Variants in TC2N observed in about 807,000 individuals in gnomAD.
TC2N encodes the protein tandem C2 domains, nuclear, also known as tandem C2 domains nuclear protein.
In TC2N, 51 loss-of-function variants were observed where a neutral mutation model predicts 61.9. The ratio of observed to expected loss-of-function variants is 0.82; its 90% CI spans 0.66 to 1.04. The LOEUF is 1.04. TC2N is among the 50% of genes least tolerant of loss of function. The probability of loss-of-function intolerance (pLI) is 0.00; values close to 1 mark genes in which losing one functional copy is unlikely to be tolerated. For synonymous variants in TC2N, 204 were observed against 192.6 expected (o/e 1.06, Z -0.49); for missense variants, 556 against 566.7 (o/e 0.98, Z 0.19).
intron 1 of TC2N, among the ~76,000 whole-genome samples, chr14:91,855,163 T>C (rs1257509878): frequency 6.6e-6 from 1 of 152,112 alleles, no homozygotes; most frequent in African/African-American, 2.4e-5. Context: ...GATGGAGGGC[T>C]GAAAAGCAGG....
chr14:91,796,103 G>A (rs1885883142), intron 8 of TC2N, among the ~76,000 whole-genome samples: 4 of 151,874 alleles, frequency 2.6e-5, no homozygotes, highest in Non-Finnish European at 5.9e-5. Context: ...AGTTAAATTA[G>A]CTTTATTTGA....
intron 1 of TC2N, among the ~76,000 whole-genome samples, chr14:91,831,831 C>G (rs539242706): frequency 6.6e-6 from 1 of 152,224 alleles, no homozygotes; most frequent in African/African-American, 2.4e-5. Flanking sequence ...ATATACCCCC[C>G]TGCTTTTAGT....
chr14:91,802,320 G>C lies in TC2N; in HGVS notation c.403C>G (p.His135Asp). ...DVYNPFYMYQ[H>D]ISPDLSRRFP... ...CGTCGACTCAAATCAGGTGAAATGT[G>C]CTGATACATATAGAATGGGTTATAC... is the stretch of plus-strand genomic sequence containing the variant. Residue 135 changes from histidine (H) to aspartate (D), a missense_variant, in exon 4 of 12, where the codon CAC becomes GAC. His to Asp is a moderately conservative substitution (Grantham distance 81). Coordinates refer to ENST00000435962, the MANE Select transcript of TC2N (RefSeq NM_001128596.3). The C allele has an allele frequency of 6.2e-7, 1 of 1,609,298 alleles. No homozygotes were observed. The highest frequency in any genetic ancestry group is 8.5e-7 in the Non-Finnish European group (1 of 1,178,442).
chr14:91,820,115 G>C (rs1887176741), intron 1 of TC2N, among the ~76,000 whole-genome samples: 1 of 151,978 alleles, frequency 6.6e-6, no homozygotes. Flanking sequence ...TGCCAGACTG[G>C]ATAAAGAAGT....
rs545306783 is a variant in TC2N at position 91,812,668 on chromosome 14, C to G, written c.68-123G>C. ...AGAAATTCCTGACACATAAACTACTCTTGGGTCTTACCAAACACTTCTGGA... is the reference window on the plus strand; with the variant it reads ...AGAAATTCCTGACACATAAACTACTGTTGGGTCTTACCAAACACTTCTGGA... On this transcript the variant is annotated intron_variant, in intron 2 of 11. Coordinates refer to ENST00000435962, the MANE Select transcript of TC2N (RefSeq NM_001128596.3). The G allele has an allele frequency of 9.0e-6, 5 of 554,728 alleles. No homozygotes were observed. The South Asian group carries it at 1.4e-4, about 16-fold the overall frequency. 34.4% of individuals were successfully genotyped at this position (554,728 alleles called of 1,614,324 possible).
At chr14:91,786,153 G>A (rs558427944) in intron 10 of TC2N, among the ~76,000 whole-genome samples, 28 of 152,326 alleles carry the variant, frequency 1.8e-4, no homozygotes, top group African/African-American at 6.0e-4. Context: ...TTGATAGAAT[G>A]AAGAGTTGTG....
At chr14:91,802,121 C>A in intron 4 of TC2N, 133 bp downstream of exon 4, 1 of 726,044 alleles carries the variant, frequency 1.4e-6, no homozygotes, top group African/African-American at 1.9e-5. Flanking sequence ...ACGTTTATCA[C>A]ATTTATGAAG....
At chr14:91,798,670 T>A (rs1566765713) in intron 6 of TC2N, among the ~76,000 whole-genome samples, 1 of 151,942 alleles carries the variant, frequency 6.6e-6, no homozygotes, top group East Asian at 1.9e-4. Flanking sequence ...TCTTTCCAAA[T>A]AACATTTATA....
Position 91,792,350 on chromosome 14 carries a change from A to G in TC2N, c.1047+17T>C. 1.3e-6 allele frequency: 2 copies of G among 1,531,518 alleles called. No homozygotes were observed. Among genetic ancestry groups the G allele is most frequent in the South Asian group, 1.3e-5 (1 of 76,234 alleles). The allele number at this position is 1,531,518 out of a possible 1,614,324, so 94.9% of individuals were successfully genotyped here. ...TCTAAAAGTATGAAATACTCTTAACATACTATTATCGCTTACAGAAATTTT... is the reference window on the plus strand; with the variant it reads ...TCTAAAAGTATGAAATACTCTTAACGTACTATTATCGCTTACAGAAATTTT... On this transcript the variant is annotated intron_variant, in intron 9 of 11. Coordinates refer to ENST00000435962, the MANE Select transcript of TC2N (RefSeq NM_001128596.3).
intron 9 of TC2N, among the ~76,000 whole-genome samples, chr14:91,790,843 A>G (rs1034607610): frequency 1.3e-5 from 2 of 152,140 alleles, no homozygotes; most frequent in East Asian, 3.9e-4. Flanking sequence ...AAAGAATAAT[A>G]GGCAAGGCTG....
chr14:91,863,154 A>G (rs1040545177), intron 1 of TC2N, among the ~76,000 whole-genome samples: 7 of 152,390 alleles, frequency 4.6e-5, no homozygotes, highest in Admixed American at 2.0e-4. Context: ...TAAATGTGGA[A>G]CTAGAACAAA....
In TC2N at chr14:91,783,192, T is replaced by C; in HGVS notation, c.1381A>G (p.Ser461Gly). The C allele has an allele frequency of 6.2e-7, 1 of 1,604,816 alleles. No individual in the cohort carries two copies. Among genetic ancestry groups the C allele is most frequent in the Non-Finnish European group, 8.5e-7 (1 of 1,172,664 alleles). Residue 461 changes from serine (S) to glycine (G), a missense_variant, in exon 12 of 12, where the codon AGT becomes GGT. Coordinates refer to ENST00000435962, the MANE Select transcript of TC2N (RefSeq NM_001128596.3). ...FVGQIWISED[S>G]NNIEAVNQWK... ...TGGTTCACTGCTTCAATGTTATTAC[T>C]GTCTTCACTTATCCAAATCTGTAAA...
At chr14:91,858,152 C>CTTT (rs56379239) in intron 1 of TC2N, among the ~76,000 whole-genome samples, 46 of 92,322 alleles carry the variant, frequency 5.0e-4, no homozygotes, top group African/African-American at 1.0e-3. Flanking sequence ...TCTTCTTCTT[C>CTTT]TTTTTTTTTT....
intron 1 of TC2N, among the ~76,000 whole-genome samples, chr14:91,845,065 C>T (rs1473010679): frequency 1.3e-5 from 2 of 151,736 alleles, no homozygotes; most frequent in African/African-American, 4.8e-5. Flanking sequence ...GGCGAAACCC[C>T]GTCTCCACAA....
intron 3 of TC2N, among the ~76,000 whole-genome samples, chr14:91,810,496 T>C (rs188430922): frequency 1.1e-3 from 171 of 152,236 alleles, no homozygotes; most frequent in African/African-American, 4.0e-3. Flanking sequence ...ATTTTTGATA[T>C]TGATATCAAG....
In TC2N at chr14:91,859,970, G is replaced by T. The variant is rs550282847; in HGVS notation, c.-57+7292C>A. On this transcript the variant is annotated intron_variant, in intron 1 of 11. Coordinates refer to ENST00000435962, the MANE Select transcript of TC2N (RefSeq NM_001128596.3). ...GCAGGCAGGAACCAGATCACGGAAG[G>T]TTTTGTCAATCCTATTCAGGAGTTT... is the stretch of plus-strand genomic sequence containing the variant. Among the ~76,000 whole-genome samples, 6 of 152,262 alleles carry T rather than the reference G, an allele frequency of 3.9e-5. No homozygotes were observed. The South Asian group carries it at 1.2e-3, about 32-fold the overall frequency.
intron 1 of TC2N, among the ~76,000 whole-genome samples, chr14:91,848,604 G>A (rs911344036): frequency 2.0e-5 from 3 of 152,184 alleles, no homozygotes; most frequent in African/African-American, 7.2e-5. Context: ...ACATATGTAA[G>A]GGTTGGTGTC....
At chr14:91,862,664 C>T (rs138088916) in intron 1 of TC2N, among the ~76,000 whole-genome samples, 25 of 152,314 alleles carry the variant, frequency 1.6e-4, no homozygotes, top group African/African-American at 6.0e-4. Flanking sequence ...TCCTCTCCTC[C>T]CTGCGGCCTG....
chr14:91,792,210 T>A (rs1885693156), intron 9 of TC2N, among the ~76,000 whole-genome samples, 157 bp downstream of exon 9: 1 of 7,170 alleles, frequency 1.4e-4, no homozygotes, highest in South Asian at 0.038. Context: ...TAACATTTTA[T>A]CAATAATTTC....
Sources: allele counts gnomAD v4.1 joint callset (sites outside exome capture counted in the v4.1 genomes callset), GRCh38; gene constraint gnomAD v4.1.1; transcripts MANE v1.5; gene names NCBI Gene and HGNC (gene_info 2026-07-23, HGNC 2026-07-21).